C4orf51: variants seen among roughly 807,000 people sequenced by gnomAD.
The protein encoded by C4orf51 is uncharacterized protein C4orf51.
C4orf51 carries 25 observed loss-of-function variants against 25.2 expected under a neutral mutation model. That is an observed-to-expected ratio of 0.99 (90% CI 0.72 to 1.39). The LOEUF is 1.39. Ranked by LOEUF, C4orf51 falls within the 40% of genes most tolerant of loss-of-function variation. The pLI, the probability that C4orf51 is intolerant of heterozygous loss-of-function variation, is 0.00. For synonymous variants in C4orf51, 100 were observed against 84.5 expected (o/e 1.18, Z -1.01); for missense variants, 252 against 239.6 (o/e 1.05, Z -0.34).
At chr4:145,776,959 T>C in the C4orf51 span, among the ~76,000 whole-genome samples, 2 of 152,204 alleles carry the variant, frequency 1.3e-5, no homozygotes, top group African/African-American at 2.4e-5. Context: ...GGAGCAGGCT[T>C]TGCTTTCATC....
At chr4:145,710,244 C>A (rs1348328974) in intron 2 of C4orf51, among the ~76,000 whole-genome samples, 1 of 152,078 alleles carries the variant, frequency 6.6e-6, no homozygotes, top group African/African-American at 2.4e-5. Context: ...GAAACAGAGG[C>A]AAGTTTTAGA....
chr4:145,760,599 T>C (rs1378392038), intron 1 of C4orf51: 1 of 237,074 alleles, frequency 4.2e-6, no homozygotes, highest in Non-Finnish European at 7.4e-6. Flanking sequence ...GCAATAGGTA[T>C]ACACACAGAG....
chr4:145,732,600 G>T lies in C4orf51; in HGVS notation c.*40G>T, dbSNP rs557977261. 2 of 1,460,056 alleles carry T rather than the reference G, an allele frequency of 1.4e-6. No individual in the cohort carries two copies. Among genetic ancestry groups the T allele is most frequent in the Non-Finnish European group, 1.9e-6 (2 of 1,054,064 alleles). 90.4% of individuals were successfully genotyped at this position (1,460,056 alleles called of 1,614,324 possible). A position where few individuals can be genotyped will look rare whatever the true frequency, so the allele number is the denominator to read the frequency against. ...CCACAAGGCTGGAGGCGTGGAGTTTGCTTAATAAACAACTTTGAGGTATGG... is the reference window on the plus strand; with the variant it reads ...CCACAAGGCTGGAGGCGTGGAGTTTTCTTAATAAACAACTTTGAGGTATGG... On this transcript the variant is annotated 3_prime_UTR_variant, in exon 6 of 6. Coordinates refer to ENST00000438731, the MANE Select transcript of C4orf51 (RefSeq NM_001080531.3).
At chr4:145,788,653 A>G in the C4orf51 span, among the ~76,000 whole-genome samples, 1 of 152,168 alleles carries the variant, frequency 6.6e-6, no homozygotes, top group Admixed American at 6.5e-5. Flanking sequence ...ATATTACAAC[A>G]TGGAAGCAAA....
At chr4:145,789,132 G>T in the C4orf51 span, among the ~76,000 whole-genome samples, 11 of 152,188 alleles carry the variant, frequency 7.2e-5, no homozygotes, top group Non-Finnish European at 1.5e-4. Context: ...CAATCACGAA[G>T]ATGAAAGCCA....
At chr4:145,736,109 T>C (rs1732788892), downstream of C4orf51, among the ~76,000 whole-genome samples, 1 of 152,090 alleles carries the variant, frequency 6.6e-6, no homozygotes, top group African/African-American at 2.4e-5. Flanking sequence ...TCTGGAAGGT[T>C]TGAACCCTAA....
chr4:145,717,377 G>T (rs1267261911), intron 2 of C4orf51, among the ~76,000 whole-genome samples: 2 of 152,112 alleles, frequency 1.3e-5, no homozygotes, highest in Non-Finnish European at 2.9e-5. Flanking sequence ...TTCATTCTTT[G>T]CAAGTGGTCA....
chr4:145,773,641 G>A (rs1212985579), downstream of C4orf51, among the ~76,000 whole-genome samples: 1 of 152,218 alleles, frequency 6.6e-6, no homozygotes, highest in Non-Finnish European at 1.5e-5. Flanking sequence ...TAATTGCATG[G>A]TGAAGTCAGA....
chr4:145,765,975 A>C lies in C4orf51; in HGVS notation n.167-5013A>C, dbSNP rs893559468. 6.6e-5 allele frequency among the ~76,000 whole-genome samples: 10 copies of C among 152,184 alleles called. No individual in the cohort carries two copies. The highest frequency in any genetic ancestry group is 1.2e-4 in the Non-Finnish European group (8 of 68,018). Reference sequence around the variant, plus strand: ...TGACAAGTGTTTATTAAGGTCTTACATGAATTAAAATAAAACGACAGTAAT... The same window carrying C: ...TGACAAGTGTTTATTAAGGTCTTACCTGAATTAAAATAAAACGACAGTAAT... On this transcript the variant is annotated intron_variant and non_coding_transcript_variant, in intron 1 of 1. Coordinates refer to the C4orf51 transcript ENST00000510096. This position sits in a 1 kb window ranked among gnomAD's most constrained non-coding sequence, Gnocchi z 4.7.
chr4:145,774,289 C>G (rs546114325), downstream of C4orf51, among the ~76,000 whole-genome samples: 1 of 152,256 alleles, frequency 6.6e-6, no homozygotes, highest in East Asian at 1.9e-4. Context: ...CACATCTGAA[C>G]TTGGGAGTCT....
chr4:145,689,676 A>T (rs775426962), intron 1 of C4orf51, among the ~76,000 whole-genome samples: 60 of 152,266 alleles, frequency 3.9e-4, no homozygotes, highest in Non-Finnish European at 6.8e-4. Flanking sequence ...GTCAACATAG[A>T]CCAATGGCAC....
chr4:145,702,484 G>A (rs1199672478), intron 2 of C4orf51, among the ~76,000 whole-genome samples: 2 of 152,008 alleles, frequency 1.3e-5, no homozygotes, highest in Non-Finnish European at 2.9e-5. Flanking sequence ...CATTACTTCA[G>A]TCAAGCCCAA....
intron 1 of C4orf51, chr4:145,764,911 G>A (rs1302139085): frequency 1.3e-5 from 21 of 1,601,600 alleles, no homozygotes; most frequent in East Asian, 2.2e-5. Context: ...AAACCTTCAC[G>A]GGAAGGGACG....
intron 1 of C4orf51, among the ~76,000 whole-genome samples, chr4:145,681,288 T>C (rs866189528): frequency 2.0e-5 from 3 of 152,202 alleles, no homozygotes; most frequent in Non-Finnish European, 4.4e-5. Context: ...AACCTCAACT[T>C]CAGATAAGAG....
At chr4:145,742,383 T>C (rs2126795499) in intron 1 of C4orf51, among the ~76,000 whole-genome samples, 1 of 152,310 alleles carries the variant, frequency 6.6e-6, no homozygotes, top group African/African-American at 2.4e-5. Context: ...TTTGCTGTTG[T>C]TGCTGCTGCT....
chr4:145,684,897 G>A (rs998424422), intron 1 of C4orf51, among the ~76,000 whole-genome samples: 7 of 152,282 alleles, frequency 4.6e-5, no homozygotes, highest in Non-Finnish European at 8.8e-5. Flanking sequence ...CAACCAAATA[G>A]GAGGATATAG....
At chr4:145,782,132 T>C in the C4orf51 span, among the ~76,000 whole-genome samples, 1 of 152,160 alleles carries the variant, frequency 6.6e-6, no homozygotes, top group Admixed American at 6.5e-5. Context: ...CCAAGCCTCG[T>C]CTAGGAATCG....
chr4:145,751,815 C>T (rs780019462), intron 1 of C4orf51, among the ~76,000 whole-genome samples: 11 of 152,208 alleles, frequency 7.2e-5, no homozygotes, highest in Non-Finnish European at 1.2e-4. Context: ...CTGCCTCATG[C>T]TCTCTTCTAC....
intron 2 of C4orf51, among the ~76,000 whole-genome samples, chr4:145,702,139 A>G (rs1311518882): frequency 6.6e-6 from 1 of 152,192 alleles, no homozygotes; most frequent in African/African-American, 2.4e-5. Context: ...CTGCTACAGC[A>G]TAGGCTTCTA....
Sources: gnomAD v4.1 joint callset for allele counts (sites outside exome capture counted in the v4.1 genomes callset) on GRCh38, gnomAD v4.1.1 for gene constraint, Gnocchi (gnomAD v3.1) non-coding constraint, MANE v1.5 for transcripts, NCBI Gene and HGNC (gene_info 2026-07-23, HGNC 2026-07-21) for gene names.